Variants in SPIRE1 observed in about 807,000 individuals in gnomAD.
SPIRE1 encodes protein spire homolog 1.
A neutral mutation model predicts 94.1 loss-of-function variants in SPIRE1; 40 were observed. That is an observed-to-expected ratio of 0.43 (90% CI 0.33 to 0.55). The LOEUF is 0.55. Among genes scored for constraint, SPIRE1 ranks in the 20% least tolerant of loss-of-function variants. The pLI, the probability that SPIRE1 is intolerant of heterozygous loss-of-function variation, is 0.06. For missense variants in SPIRE1, 838 were observed against 975.2 expected (o/e 0.86, Z 1.87); for synonymous variants, 376 against 371.7 (o/e 1.01, Z -0.13).
intron 10 of SPIRE1, among the ~76,000 whole-genome samples, chr18:12,476,555 AAAAAAAAAAAT>A (rs1375550609): frequency 0.028 from 2,606 of 92,396 alleles, 23 homozygotes; most frequent in South Asian, 0.056. Flanking sequence ...AAAAAAAAAA[AAAAAAAAAAAT>A]ATATATATAT....
chr18:12,466,895 GA>G (rs1159331824), intron 10 of SPIRE1, among the ~76,000 whole-genome samples: 1 of 152,016 alleles, frequency 6.6e-6, no homozygotes, highest in African/African-American at 2.4e-5. Flanking sequence ...ACCTACTGCT[GA>G]AATCATTAGT....
intron 2 of SPIRE1, among the ~76,000 whole-genome samples, chr18:12,610,533 T>G (rs2037109277): frequency 2.0e-5 from 3 of 152,146 alleles, no homozygotes; most frequent in Admixed American, 2.0e-4. Context: ...TTTTCTCTCT[T>G]TGTACTCATT....
At chr18:12,469,312 C>T (rs527912935) in intron 10 of SPIRE1, among the ~76,000 whole-genome samples, 10 of 151,818 alleles carry the variant, frequency 6.6e-5, no homozygotes, top group South Asian at 2.1e-4. Flanking sequence ...AAGCGATTCT[C>T]CTGCCTCAGC....
chr18:12,522,036 G>T (rs1331043735), intron 4 of SPIRE1, among the ~76,000 whole-genome samples: 1 of 152,176 alleles, frequency 6.6e-6, no homozygotes, highest in African/African-American at 2.4e-5. Flanking sequence ...GTGGAAGGAA[G>T]AGTCATAAGT....
intron 10 of SPIRE1, among the ~76,000 whole-genome samples, chr18:12,477,937 C>T (rs2032669416): frequency 6.6e-6 from 1 of 151,952 alleles, no homozygotes; most frequent in African/African-American, 2.4e-5. Flanking sequence ...TGCCAGGGAG[C>T]CTTCCGAAGG....
intron 1 of SPIRE1, among the ~76,000 whole-genome samples, chr18:12,639,605 G>A (rs1471301674): frequency 6.6e-6 from 1 of 152,052 alleles, no homozygotes; most frequent in African/African-American, 2.4e-5. Context: ...GGTGGCAGAT[G>A]CCTATAATCC....
intron 2 of SPIRE1, among the ~76,000 whole-genome samples, chr18:12,569,827 C>T (rs980124527): frequency 6.6e-6 from 1 of 152,084 alleles, no homozygotes; most frequent in Non-Finnish European, 1.5e-5. Flanking sequence ...AGTTTTAGAA[C>T]TAAATGAAAC....
chr18:12,503,510 G>T (rs898989533), intron 6 of SPIRE1, among the ~76,000 whole-genome samples: 7 of 152,244 alleles, frequency 4.6e-5, no homozygotes, highest in Non-Finnish European at 8.8e-5. Flanking sequence ...CACCTTTCCA[G>T]TTTCCTGCAT....
chr18:12,640,184 T>G (rs559190948), intron 1 of SPIRE1, among the ~76,000 whole-genome samples: 86 of 152,320 alleles, frequency 5.6e-4, no homozygotes, highest in African/African-American at 2.0e-3. Flanking sequence ...GCAGTCACAT[T>G]ATCAATATGA....
intron 12 of SPIRE1, chr18:12,459,913 T>C (rs1183326142): frequency 1.0e-6 from 1 of 985,626 alleles, no homozygotes; most frequent in Non-Finnish European, 1.2e-6. Flanking sequence ...GGCCATACAC[T>C]GGTTATCCTA....
chr18:12,491,520 C>T (rs58193967), intron 8 of SPIRE1, among the ~76,000 whole-genome samples: 55,125 of 151,704 alleles, frequency 0.36, 11,232 homozygotes, highest in East Asian at 0.65. Flanking sequence ...TCTTTCTTTC[C>T]ATGGAATCTT....
In SPIRE1 at chr18:12,535,582, G is replaced by A. The variant is rs752448604; in HGVS notation, c.623C>T (p.Pro208Leu). The A allele has an allele frequency of 2.5e-6, 4 of 1,612,952 alleles. 1 individual carries two copies. The South Asian group carries it at 4.4e-5, about 18-fold the overall frequency. Residue 208 changes from proline (P) to leucine (L), a missense_variant, in exon 4 of 17, where the codon CCT becomes CTT. Around this residue, in one of 2 missense-constraint regions of SPIRE1, gnomAD observed 645 missense variants for 804.7 expected, o/e 0.80. Coordinates refer to ENST00000409402, the MANE Select transcript of SPIRE1 (RefSeq NM_001128626.2). Reference sequence around the variant, plus strand: ...ATGATTTGGTGCATCTGATTCAGTAGGGAGATGAGCAGCACACAACTATAG... The same window carrying A: ...ATGATTTGGTGCATCTGATTCAGTAAGGAGATGAGCAGCACACAACTATAG... ...DVMKLCAAHL[P>L]TESDAPNHYQ...
intron 2 of SPIRE1, among the ~76,000 whole-genome samples, chr18:12,552,342 C>T (rs567865115): frequency 1.3e-5 from 2 of 152,278 alleles, no homozygotes; most frequent in East Asian, 3.9e-4. Flanking sequence ...CTATCCCTCT[C>T]CCAACGCCAG....
At chr18:12,459,917 T>C (rs1258442126) in intron 12 of SPIRE1, 1 of 985,670 alleles carries the variant, frequency 1.0e-6, no homozygotes, top group African/African-American at 1.7e-5. Context: ...ATACACTGGT[T>C]ATCCTAGGAA....
intron 5 of SPIRE1, among the ~76,000 whole-genome samples, chr18:12,506,991 G>T (rs2033856729): frequency 6.6e-6 from 1 of 152,184 alleles, no homozygotes; most frequent in South Asian, 2.1e-4. Context: ...TTGGCTATAT[G>T]ATTTGCTTGG....
intron 5 of SPIRE1, among the ~76,000 whole-genome samples, chr18:12,509,937 T>G (rs1029476171): frequency 6.6e-6 from 1 of 151,860 alleles, no homozygotes; most frequent in Non-Finnish European, 1.5e-5. Flanking sequence ...ATACAAAAAT[T>G]AGCTGGGTGT....
At chr18:12,458,522 G>A (rs1450268060) in intron 12 of SPIRE1, among the ~76,000 whole-genome samples, 1 of 152,108 alleles carries the variant, frequency 6.6e-6, no homozygotes, top group Non-Finnish European at 1.5e-5. Flanking sequence ...GCTAAGGCAG[G>A]AGAATGGCGT....
chr18:12,561,398 T>C (rs529100142), intron 2 of SPIRE1, among the ~76,000 whole-genome samples: 10 of 151,890 alleles, frequency 6.6e-5, no homozygotes, highest in African/African-American at 2.2e-4. Flanking sequence ...GCCTCCCGAG[T>C]AGCTGGGATT....
chr18:12,610,530 T>G (rs1375407422), intron 2 of SPIRE1, among the ~76,000 whole-genome samples: 1 of 152,156 alleles, frequency 6.6e-6, no homozygotes, highest in Non-Finnish European at 1.5e-5. Flanking sequence ...GCCTTTTCTC[T>G]CTTTGTACTC....
Sources: allele counts gnomAD v4.1 joint callset (sites outside exome capture counted in the v4.1 genomes callset), GRCh38; gene constraint gnomAD v4.1.1; regional missense constraint gnomAD v4.1.1; transcripts MANE v1.5; gene names NCBI Gene and HGNC (gene_info 2026-07-23, HGNC 2026-07-21).